DMRTC2: variants seen among roughly 807,000 people sequenced by gnomAD.
The protein encoded by DMRTC2 is DMRT like family C2.
Under a neutral mutation model 39.9 loss-of-function variants are expected in DMRTC2, and 13 were observed. That is an observed-to-expected ratio of 0.33 (90% CI 0.21 to 0.52). The LOEUF (loss-of-function observed/expected upper bound fraction) is 0.52. Ranked by LOEUF, DMRTC2 falls within the 20% of genes least tolerant of loss-of-function variation. The pLI is 0.96. For missense variants in DMRTC2, 431 were observed against 472.8 expected (o/e 0.91, Z 0.82); for synonymous variants, 189 against 185.2 (o/e 1.02, Z -0.17).
chr19:41,847,548 A>C lies in DMRTC2; in HGVS notation c.120A>C (p.Pro40=), dbSNP rs929537731. 1.9e-6 allele frequency: 3 copies of C among 1,614,088 alleles called. No individual in the cohort carries two copies. Among genetic ancestry groups the C allele is most frequent in the Non-Finnish European group, 2.5e-6 (3 of 1,180,040 alleles). Residue 40 remains proline, a synonymous_variant, in exon 2 of 9, where the codon CCA becomes CCC. Transcript: ENST00000269945. ...CCAGGAGAGCCATCAGCCGCTCTCCAACCTGCGCCCGCTGCCGCAACCATG... is the reference window on the plus strand; with the variant it reads ...CCAGGAGAGCCATCAGCCGCTCTCCCACCTGCGCCCGCTGCCGCAACCATG... The part of the protein sequence containing the change: ...LIPRRAISRS[P]TCARCRNHGV...
intron 3 of DMRTC2, among the ~76,000 whole-genome samples, chr19:41,848,096 C>T (rs1010674725): frequency 2.0e-5 from 3 of 152,184 alleles, no homozygotes; most frequent in Non-Finnish European, 4.4e-5. Flanking sequence ...GCCTGTAATC[C>T]GAGCACTTTG....
intron 8 of DMRTC2, chr19:41,851,077 T>G (rs1241087374): frequency 4.2e-6 from 1 of 239,356 alleles, no homozygotes; most frequent in Admixed American, 5.2e-5. Flanking sequence ...TCAAGGAGCT[T>G]ACGTTCTAGT....
At chr19:41,848,374 G>A (rs1377920290) in intron 3 of DMRTC2, 78 bp from the exon 4 acceptor site, 10 of 1,254,668 alleles carry the variant, frequency 8.0e-6, no homozygotes, top group Non-Finnish European at 1.1e-5. Context: ...AGATGGGGGA[G>A]ATGAGAACTG....
intron 6 of DMRTC2, among the ~76,000 whole-genome samples, chr19:41,850,021 G>A (rs2073931080): frequency 1.3e-5 from 2 of 151,814 alleles, no homozygotes; most frequent in African/African-American, 4.8e-5. Flanking sequence ...AGCTTATGGT[G>A]AGCCATGATC....
rs1420683760 is a variant in DMRTC2 at position 41,850,313 on chromosome 19, CACTCA to C, written c.762_766del (p.Thr255AspfsTer40). On this transcript the variant is annotated frameshift_variant and splice_region_variant, in exon 7 of 9. Coordinates refer to ENST00000269945, the MANE Select transcript of DMRTC2 (RefSeq NM_001040283.3). LOFTEE classifies it high-confidence loss of function. Reference sequence around the variant, plus strand: ...GGCATCTTCTCTCCTTGTTTCTAGACACTCAACTCTGATACTCCAGCCCTGTGGCA... The same window carrying C: ...GGCATCTTCTCTCCTTGTTTCTAGACACTCTGATACTCCAGCCCTGTGGCA... The C allele has an allele frequency of 6.7e-7, 1 of 1,496,334 alleles. No homozygotes were observed. The highest frequency in any genetic ancestry group is 2.4e-5 in the East Asian group (1 of 42,014). The allele number at this position is 1,496,334 out of a possible 1,614,324, so 92.7% of individuals were successfully genotyped here.
chr19:41,848,702 C>T, intron 4 of DMRTC2, 93 bp from the exon 5 acceptor site: 1 of 1,595,424 alleles, frequency 6.3e-7, no homozygotes, highest in Non-Finnish European at 8.6e-7. Flanking sequence ...CCTCCCAGCC[C>T]CAAAGTTTTG....
chr19:41,845,286 T>G (rs2123192389), intron 1 of DMRTC2, 185 bp downstream of exon 1: 1 of 152,264 alleles, frequency 6.6e-6, no homozygotes, highest in South Asian at 2.1e-4. Context: ...ACTCGCTCCC[T>G]GGGGCACGGG....
Position 41,849,160 on chromosome 19 carries a change from C to A in DMRTC2, c.659C>A (p.Pro220His). The A allele has an allele frequency of 6.2e-7, 1 of 1,614,200 alleles. No homozygotes were observed. Among genetic ancestry groups the A allele is most frequent in the Non-Finnish European group, 8.5e-7 (1 of 1,180,040 alleles). Residue 220 changes from proline (P) to histidine (H), a missense_variant, in exon 6 of 9, where the codon CCC (proline) becomes CAC (histidine). Transcript: ENST00000269945. Reference protein sequence around the residue: ...GFDPGTSLQLPTHGPFTTCPG... With the variant: ...GFDPGTSLQLHTHGPFTTCPG... The stretch of plus-strand genomic sequence containing the variant: ...GACCCTGGCACCTCCCTCCAGCTGC[C>A]CACTCATGGGCCCTTCACCACCTGC...
rs782339723 is a variant in DMRTC2, at chr19:41,851,715, T to C, written c.*19T>C. 3.1e-6 allele frequency: 5 copies of C among 1,607,496 alleles called. No individual in the cohort carries two copies. The South Asian group carries it at 5.5e-5, about 18-fold the overall frequency. ...GAGCTAGAAACCCAGAGATGGAGGC[T>C]GTCTTGCTATGGCAGGGAGGTGACA... is the stretch of plus-strand genomic sequence containing the variant. On this transcript the variant is annotated 3_prime_UTR_variant, in exon 9 of 9. Coordinates refer to ENST00000269945, the MANE Select transcript of DMRTC2 (RefSeq NM_001040283.3).
Position 41,849,119 on chromosome 19 carries a change from ATTC to A in DMRTC2, c.629-8_629-6del, listed in dbSNP as rs1555836756. The A allele has an allele frequency of 6.2e-7, 1 of 1,614,046 alleles. No individual in the cohort carries two copies. Among genetic ancestry groups the A allele is most frequent in the Non-Finnish European group, 8.5e-7 (1 of 1,179,926 alleles). ...GCCCCTATACACTCTGCATTCTTTT[ATTC>A]TTATTAGGCTTTGACCCTGGCACCT... is the stretch of plus-strand genomic sequence containing the variant. On this transcript the variant is annotated splice_polypyrimidine_tract_variant and splice_region_variant and intron_variant, in intron 5 of 8. Transcript: ENST00000269945.
At chr19:41,851,531 C>A in intron 8 of DMRTC2, 53 bp from the exon 9 acceptor site, 1 of 1,492,848 alleles carries the variant, frequency 6.7e-7, no homozygotes, top group Admixed American at 1.7e-5. Flanking sequence ...GAGGGGGTTG[C>A]TAGAAGGAAA....
chr19:41,847,995 T>C, intron 3 of DMRTC2, 114 bp downstream of exon 3: 8 of 1,378,474 alleles, frequency 5.8e-6, no homozygotes, highest in Non-Finnish European at 7.7e-6. Context: ...TAAGGGTTTC[T>C]ACTCCCTCGG....
chr19:41,845,263 T>A (rs1555835350), intron 1 of DMRTC2, 162 bp downstream of exon 1: 1 of 151,880 alleles, frequency 6.6e-6, no homozygotes, highest in Non-Finnish European at 1.5e-5. Flanking sequence ...CCTTGGCGCG[T>A]TCCCGGTTCC....
chr19:41,847,856 G>T lies in DMRTC2; in HGVS notation c.345G>T (p.Lys115Asn), dbSNP rs2073888852. 1 of 1,589,804 alleles carries T rather than the reference G, an allele frequency of 6.3e-7. No homozygotes were observed. Among genetic ancestry groups the T allele is most frequent in the Non-Finnish European group, 8.6e-7 (1 of 1,167,628 alleles). Residue 115 changes from lysine (K) to asparagine (N), a missense_variant, in exon 3 of 9, where the codon AAG becomes AAT. By Grantham distance (94) the Lys-to-Asn change is moderately conservative. Transcript: ENST00000269945. ...CCAAAGCTCCCAACCACTTCAGAAA[G>T]GGAACCACTCAGCCACAGGTCCCCT... ...ASPKAPNHFR[K>N]GTTQPQVPSG...
At chr19:41,848,143 C>G (rs1180188145) in intron 3 of DMRTC2, among the ~76,000 whole-genome samples, 2 of 152,116 alleles carry the variant, frequency 1.3e-5, no homozygotes, top group African/African-American at 4.8e-5. Context: ...GTCAAGAGAT[C>G]GAGACCATCC....
intron 1 of DMRTC2, among the ~76,000 whole-genome samples, chr19:41,847,027 TA>T (rs1446628488): frequency 6.8e-6 from 1 of 147,306 alleles, no homozygotes; most frequent in African/African-American, 2.5e-5. Context: ...CATACAAAAA[TA>T]AAAAAAAATA....
Position 41,847,896 on chromosome 19 carries a change from C to G in DMRTC2, c.370+15C>G. Reference sequence around the variant, plus strand: ...ACAGGTCCCCTGTGAGTGTCTCTGACCAGCGATGGGGCAGGAGTTTGGGTA... The same window carrying G: ...ACAGGTCCCCTGTGAGTGTCTCTGAGCAGCGATGGGGCAGGAGTTTGGGTA... On this transcript the variant is annotated intron_variant, in intron 3 of 8. Transcript: ENST00000269945. 2 of 1,572,430 alleles carry G rather than the reference C, an allele frequency of 1.3e-6. No homozygotes were observed. Among genetic ancestry groups the G allele is most frequent in the Non-Finnish European group, 1.7e-6 (2 of 1,158,158 alleles).
At chr19:41,849,749 A>G (rs1203621622) in intron 6 of DMRTC2, among the ~76,000 whole-genome samples, 2 of 152,192 alleles carry the variant, frequency 1.3e-5, no homozygotes, top group Non-Finnish European at 2.9e-5. Flanking sequence ...CTGATAGGTC[A>G]GGGACAGTAA....
chr19:41,848,086 G>A (rs536246867), intron 3 of DMRTC2, among the ~76,000 whole-genome samples: 33 of 152,196 alleles, frequency 2.2e-4, no homozygotes, highest in Admixed American at 5.2e-4. Context: ...AGTGGCTCAC[G>A]CCTGTAATCC....
Sources: allele counts gnomAD v4.1 joint callset (sites outside exome capture counted in the v4.1 genomes callset), GRCh38; gene constraint gnomAD v4.1.1; transcripts MANE v1.5; gene names NCBI Gene and HGNC (gene_info 2026-07-23, HGNC 2026-07-21).